SH3BGRL: variants seen among roughly 807,000 people sequenced by gnomAD.
SH3BGRL encodes SH3 domain binding glutamate rich protein like.
Under a neutral mutation model 9.8 loss-of-function variants are expected in SH3BGRL, and 7 were observed. The ratio of observed to expected loss-of-function variants is 0.72; its 90% CI spans 0.41 to 1.35. The LOEUF (loss-of-function observed/expected upper bound fraction) is 1.35, where lower values mean the gene tolerates loss of function less well. Among genes scored for constraint, SH3BGRL ranks in the 40% most tolerant of loss-of-function variants. The pLI, the probability that SH3BGRL is intolerant of heterozygous loss-of-function variation, is 0.01. For missense variants in SH3BGRL, 73 were observed against 84.4 expected (o/e 0.86, Z 0.53); for synonymous variants, 36 against 29.1 (o/e 1.24, Z -0.76).
At chrX:81,287,682 T>C (rs1224111770) in intron 3 of SH3BGRL, among the ~76,000 whole-genome samples, 1 of 109,677 alleles carries the variant, frequency 9.1e-6, no homozygotes, top group East Asian at 2.9e-4. Flanking sequence ...GGGACAAGAT[T>C]AGGAGAAATA....
chrX:81,268,554 T>C (rs187529194), intron 1 of SH3BGRL, among the ~76,000 whole-genome samples: 1 of 112,135 alleles, frequency 8.9e-6, no homozygotes, highest in East Asian at 2.8e-4. Flanking sequence ...TCCTGAGTTC[T>C]AATTTGACTG....
chrX:81,282,842 A>C (rs956433126), intron 3 of SH3BGRL, among the ~76,000 whole-genome samples: 1 of 112,226 alleles, frequency 8.9e-6, no homozygotes, highest in Non-Finnish European at 1.9e-5. Flanking sequence ...AACTAAATTA[A>C]ATTGAAACAA....
chrX:81,282,721 A>G (rs1266804085), intron 3 of SH3BGRL, among the ~76,000 whole-genome samples: 1 of 112,036 alleles, frequency 8.9e-6, no homozygotes, highest in African/African-American at 3.2e-5. Flanking sequence ...CCTACATCAA[A>G]AAGTCTGAAA....
Position 81,280,178 on chromosome X carries a change from C to T in SH3BGRL, c.312+1767C>T, listed in dbSNP as rs557050693. 1.0e-4 allele frequency among the ~76,000 whole-genome samples: 11 copies of T among 110,194 alleles called. 1 individual carries two copies. In the South Asian group the frequency reaches 4.0e-3, roughly 40 times the overall value. On this transcript the variant is annotated intron_variant, in intron 3 of 3. Coordinates refer to ENST00000373212, the MANE Select transcript of SH3BGRL (RefSeq NM_003022.3). Reference sequence around the variant, plus strand: ...CTCACAGCAGCCACAGCAAGACCCACCCGAGGAGAGTCTGAGCTCAGACAT... The same window carrying T: ...CTCACAGCAGCCACAGCAAGACCCATCCGAGGAGAGTCTGAGCTCAGACAT...
chrX:81,294,815 G>T (rs1250186008), intron 3 of SH3BGRL, among the ~76,000 whole-genome samples: 1 of 112,176 alleles, frequency 8.9e-6, no homozygotes. Flanking sequence ...AGAGCCACAG[G>T]GGCAGAGCTG....
chrX:81,248,851 C>A (rs2075699461), intron 1 of SH3BGRL, among the ~76,000 whole-genome samples: 1 of 111,684 alleles, frequency 9.0e-6, no homozygotes, highest in Non-Finnish European at 1.9e-5. Context: ...CTTGGATCCC[C>A]AGTGGAAAGA....
rs753703982 is a variant in SH3BGRL at position 81,284,456 on chromosome X, A to T, written c.312+6045A>T. Among the ~76,000 whole-genome samples the T allele has an allele frequency of 1.4e-4, 15 of 110,651 alleles. No homozygotes were observed. The South Asian group carries it at 5.3e-3, about 39-fold the overall frequency. Reference sequence around the variant, plus strand: ...GAATTAATGAGTTGCTTGTGCCTGTAAAGACCTGAGCGGGATTAAAGCTAG... The same window carrying T: ...GAATTAATGAGTTGCTTGTGCCTGTTAAGACCTGAGCGGGATTAAAGCTAG... On this transcript the variant is annotated intron_variant, in intron 3 of 3. Transcript: ENST00000373212.
chrX:81,254,365 A>G (rs1483978029), intron 1 of SH3BGRL, among the ~76,000 whole-genome samples: 1 of 111,526 alleles, frequency 9.0e-6, no homozygotes, highest in African/African-American at 3.3e-5. Context: ...TGTGTCTGAG[A>G]GTACATTCTT....
chrX:81,266,438 C>T (rs1213103687), intron 1 of SH3BGRL, among the ~76,000 whole-genome samples: 2 of 111,560 alleles, frequency 1.8e-5, no homozygotes, highest in African/African-American at 3.3e-5. Context: ...ATAGTGTTTT[C>T]CCAACACTAT....
intron 1 of SH3BGRL, among the ~76,000 whole-genome samples, chrX:81,255,168 G>A (rs968143290): frequency 1.8e-5 from 2 of 111,605 alleles, no homozygotes; most frequent in African/African-American, 3.3e-5. Flanking sequence ...GATTACAGGC[G>A]TGAGCCACCA....
chrX:81,226,838 C>T (rs73634728), intron 1 of SH3BGRL, among the ~76,000 whole-genome samples: 1,361 of 110,004 alleles, frequency 0.012, 21 homozygotes, highest in African/African-American at 0.042. Flanking sequence ...CTCCTAGAGC[C>T]CTCAGAAGGA....
At position 81,247,975 on chromosome X, in the gene SH3BGRL, A is replaced by G. The variant is rs2075695113; in HGVS notation, c.46-29009A>G. Among the ~76,000 whole-genome samples the G allele has an allele frequency of 3.7e-5, 4 of 108,583 alleles. No homozygotes were observed. The Admixed American group carries it at 4.0e-4, about 11-fold the overall frequency. The allele number at this position is 108,583 out of a possible 115,157, so 94.3% of individuals were successfully genotyped here. ...TTTTTTTTTTTAAATTACTGCTTCA[A>G]TTTTGGAACTCAGTATTGGCCTGTT... On this transcript the variant is annotated intron_variant, in intron 1 of 3. Coordinates refer to ENST00000373212, the MANE Select transcript of SH3BGRL (RefSeq NM_003022.3).
At chrX:81,224,431 A>T (rs767918278) in intron 1 of SH3BGRL, among the ~76,000 whole-genome samples, 2 of 109,747 alleles carry the variant, frequency 1.8e-5, no homozygotes, top group South Asian at 8.2e-4. Context: ...AATGTGATTA[A>T]TAGCAAGAGC....
At chrX:81,257,765 A>G (rs2075729753) in intron 1 of SH3BGRL, among the ~76,000 whole-genome samples, 1 of 110,884 alleles carries the variant, frequency 9.0e-6, no homozygotes, top group Non-Finnish European at 1.9e-5. Flanking sequence ...AGGGGAGGGA[A>G]GCATACAAGG....
At position 81,283,853 on chromosome X, in the gene SH3BGRL, C is replaced by G. The variant is rs138706024; in HGVS notation, c.312+5442C>G. ...ACAAGAGAAAGAAATAAAGGGCATC[C>G]AAATTGGTAAAAAGGAAGTCAATTG... On this transcript the variant is annotated intron_variant, in intron 3 of 3. Coordinates refer to ENST00000373212, the MANE Select transcript of SH3BGRL (RefSeq NM_003022.3). Among the ~76,000 whole-genome samples the G allele has an allele frequency of 5.0e-3, 551 of 110,887 alleles. 1 individual carries two copies. Among genetic ancestry groups the G allele is most frequent in the African/African-American group, 0.016 (503 of 30,537 alleles).
At chrX:81,291,760 T>C (rs1049347061) in intron 3 of SH3BGRL, among the ~76,000 whole-genome samples, 1 of 112,201 alleles carries the variant, frequency 8.9e-6, no homozygotes, top group African/African-American at 3.2e-5. Context: ...AGTACAGGCA[T>C]TAGGTAAGTG....
At chrX:81,215,972 G>A (rs2075580259) in intron 1 of SH3BGRL, among the ~76,000 whole-genome samples, 1 of 111,330 alleles carries the variant, frequency 9.0e-6, no homozygotes, top group Non-Finnish European at 1.9e-5. Flanking sequence ...ATTTAGCCTG[G>A]GATTATGGAA....
chrX:81,229,275 A>T (rs1471171123), intron 1 of SH3BGRL, among the ~76,000 whole-genome samples: 1 of 111,187 alleles, frequency 9.0e-6, no homozygotes, highest in East Asian at 2.8e-4. Context: ...TGACCCCACA[A>T]CAGTGTCTTG....
intron 1 of SH3BGRL, among the ~76,000 whole-genome samples, chrX:81,237,929 A>C (rs748888856): frequency 1.1e-3 from 120 of 107,440 alleles, no homozygotes; most frequent in Non-Finnish European, 2.1e-3. Context: ...CACTGGTCAT[A>C]GTTGTGAGGC....
Sources: gnomAD v4.1 joint callset for allele counts (sites outside exome capture counted in the v4.1 genomes callset) on GRCh38, gnomAD v4.1.1 for gene constraint, MANE v1.5 for transcripts, NCBI Gene and HGNC (gene_info 2026-07-23, HGNC 2026-07-21) for gene names.